GNG7: variants seen among roughly 807,000 people sequenced by gnomAD.
The protein encoded by GNG7 is G protein subunit gamma 7, also known as guanine nucleotide-binding protein G(I)/G(S)/G(O) subunit gamma-7.
In GNG7, 1 loss-of-function variant was observed where a neutral mutation model predicts 4.0. That is an observed-to-expected ratio of 0.25 (90% CI 0.09 to 1.18). The LOEUF (loss-of-function observed/expected upper bound fraction) is 1.18. GNG7 is among the 50% of genes most tolerant of loss of function. The pLI is 0.50. For missense variants in GNG7, 86 were observed against 91.9 expected (o/e 0.94, Z 0.26); for synonymous variants, 34 against 36.9 (o/e 0.92, Z 0.29).
At chr19:2,672,773 A>G (rs1021677734) in intron 1 of GNG7, among the ~76,000 whole-genome samples, 3 of 152,030 alleles carry the variant, frequency 2.0e-5, no homozygotes, top group Non-Finnish European at 4.4e-5. Context: ...AAATGCTGGC[A>G]ATAATTCAAA....
intron 1 of GNG7, among the ~76,000 whole-genome samples, chr19:2,646,825 G>A (rs949557187): frequency 6.6e-6 from 1 of 152,150 alleles, no homozygotes; most frequent in African/African-American, 2.4e-5. Flanking sequence ...ATGTTTCTAC[G>A]GCTCTTCACA....
intron 1 of GNG7, among the ~76,000 whole-genome samples, chr19:2,666,135 C>T (rs1462256758): frequency 6.6e-6 from 1 of 151,228 alleles, no homozygotes; most frequent in Non-Finnish European, 1.5e-5. Context: ...CAAAGTGCCA[C>T]CGTGCCCGGC....
intron 4 of GNG7, among the ~76,000 whole-genome samples, chr19:2,519,376 G>A (rs1029669216): frequency 1.3e-5 from 2 of 151,304 alleles, no homozygotes; most frequent in Admixed American, 6.6e-5. Flanking sequence ...GGCTGGTCTC[G>A]AACCCCTGAC....
intron 2 of GNG7, among the ~76,000 whole-genome samples, chr19:2,576,749 G>C (rs536685467): frequency 4.3e-4 from 65 of 151,976 alleles, no homozygotes; most frequent in African/African-American, 1.5e-3. Context: ...GGGTCTCCCT[G>C]GGTTGCCCAG....
In GNG7 at chr19:2,702,661, G is replaced by C. The variant is rs1913437645; in HGVS notation, c.-150C>G. On this transcript the variant is annotated 5_prime_UTR_variant, in exon 1 of 5. Coordinates refer to ENST00000382159, the MANE Select transcript of GNG7 (RefSeq NM_052847.3). ...GCGCCCTTACCTGCGCTCGGGCCCC[G>C]CGGCCGCCTCAGCCCCGCCGCGCAG... 6.6e-6 allele frequency: 1 copy of C among 151,168 alleles called. No individual in the cohort carries two copies. The highest frequency in any genetic ancestry group is 2.1e-4 in the South Asian group (1 of 4,840). 9.4% of individuals were successfully genotyped at this position (151,168 alleles called of 1,614,324 possible). A position where few individuals can be genotyped will look rare whatever the true frequency, so the allele number is the denominator to read the frequency against.
chr19:2,530,596 T>C lies in GNG7; in HGVS notation c.-37-9871A>G, dbSNP rs563155308. The stretch of plus-strand genomic sequence containing the variant: ...TTAGCTGGACGTGGTGGCGGGTGCC[T>C]GTAGTCCCAGCTACTCAGGAGGCTG... On this transcript the variant is annotated intron_variant, in intron 3 of 4. Transcript: ENST00000382159. Among the ~76,000 whole-genome samples the C allele has an allele frequency of 4.6e-4, 69 of 150,870 alleles. 1 individual carries two copies. In the South Asian group the frequency reaches 4.8e-3, roughly 11 times the overall value.
Position 2,520,661 on chromosome 19 carries a change from C to A in GNG7, c.28G>T (p.Ala10Ser). The change falls in exon 4 of 5, where the codon GCC becomes TCC. Residue 10 changes from alanine (A) to serine (S), a missense_variant. By Grantham distance (99) the Ala-to-Ser change is moderately conservative. Transcript: ENST00000382159. ...CGTAGCTGTTCCACCAGCTTCCGGG[C>A]CTGGGCTATGTTGTTAGTGGCTGAC... MSATNNIAQ[A>S]RKLVEQLRIE... The A allele has an allele frequency of 1.9e-6, 3 of 1,551,798 alleles. No homozygotes were observed. Among genetic ancestry groups the A allele is most frequent in the East Asian group, 2.4e-5 (1 of 41,758 alleles).
rs549675045 is a variant in GNG7, at chr19:2,618,628, C to A, written c.-78+27596G>T. Among the ~76,000 whole-genome samples the A allele has an allele frequency of 1.9e-4, 29 of 151,960 alleles. 1 individual carries two copies. Among genetic ancestry groups the A allele is most frequent in the Admixed American group, 4.6e-4 (7 of 15,250 alleles). On this transcript the variant is annotated intron_variant, in intron 2 of 4. Coordinates refer to ENST00000382159, the MANE Select transcript of GNG7 (RefSeq NM_052847.3). The surrounding 1 kb of genome is among the most constrained non-coding windows in gnomAD (Gnocchi z 5.1). ...CCTCCCAAAGTGCTGGGATTACAGA[C>A]GTGAGCCACCGTGCCCAGCCTGTTC...
chr19:2,700,279 T>C (rs1252845013), intron 1 of GNG7, among the ~76,000 whole-genome samples: 1 of 152,046 alleles, frequency 6.6e-6, no homozygotes, highest in Admixed American at 6.6e-5. Context: ...GTAGCTGGGA[T>C]TACAGGCAAA....
At position 2,609,889 on chromosome 19, in the gene GNG7, G is replaced by A. The variant is rs553307553; in HGVS notation, c.-78+36335C>T. Among the ~76,000 whole-genome samples, 1 of 152,226 alleles carries A rather than the reference G, an allele frequency of 6.6e-6. No homozygotes were observed. Among genetic ancestry groups the A allele is most frequent in the South Asian group, 2.1e-4 (1 of 4,818 alleles). Reference sequence around the variant, plus strand: ...TGCACTTCTGGAGCTCCCTGACCACGAGTGAGGAAATTGAACGGTACAGGA... The same window carrying A: ...TGCACTTCTGGAGCTCCCTGACCACAAGTGAGGAAATTGAACGGTACAGGA... On this transcript the variant is annotated intron_variant, in intron 2 of 4. Transcript: ENST00000382159. This position sits in a 1 kb window ranked among gnomAD's most constrained non-coding sequence, Gnocchi z 4.4.
chr19:2,661,270 AAAAG>A (rs796432059), intron 1 of GNG7, among the ~76,000 whole-genome samples: 3,532 of 70,526 alleles, frequency 0.05, 319 homozygotes, highest in South Asian at 0.064. Flanking sequence ...AGAAAGAAAG[AAAAG>A]AAAGAAAGAA....
chr19:2,548,848 C>G (rs1979220617), intron 3 of GNG7, among the ~76,000 whole-genome samples: 1 of 151,292 alleles, frequency 6.6e-6, no homozygotes, highest in Non-Finnish European at 1.5e-5. Flanking sequence ...CAAGAATAAT[C>G]TGACCCTAAT....
intron 2 of GNG7, among the ~76,000 whole-genome samples, chr19:2,567,510 T>C (rs377292619): frequency 1.3e-5 from 2 of 152,082 alleles, no homozygotes; most frequent in Admixed American, 6.6e-5. Flanking sequence ...TTTTTTTGTA[T>C]AGATGGGGTT....
intron 1 of GNG7, among the ~76,000 whole-genome samples, chr19:2,675,463 G>T (rs545118203): frequency 1.2e-4 from 18 of 152,236 alleles, no homozygotes; most frequent in African/African-American, 4.1e-4. Flanking sequence ...AGGAGAGGTC[G>T]CTTGACGGTA....
intron 2 of GNG7, among the ~76,000 whole-genome samples, chr19:2,631,355 C>T (rs925936668): frequency 2.0e-5 from 3 of 152,192 alleles, no homozygotes; most frequent in African/African-American, 7.2e-5. Flanking sequence ...TGTCCAGTGA[C>T]GATCATTCTT....
rs1457996183 is a variant in GNG7, at chr19:2,633,489, A to ACG, written c.-78+12734_-78+12735insCG. Among the ~76,000 whole-genome samples, 1 of 65,110 alleles carries ACG rather than the reference A, an allele frequency of 1.5e-5. No individual in the cohort carries two copies. The highest frequency in any genetic ancestry group is 5.7e-5 in the African/African-American group (1 of 17,576). The allele number at this position is 65,110 out of a possible 152,430, so 42.7% of individuals were successfully genotyped here. On this transcript the variant is annotated intron_variant, in intron 2 of 4. Transcript: ENST00000382159. This position sits in a 1 kb window ranked among gnomAD's most constrained non-coding sequence, Gnocchi z 5.9. ...GCAACAGGCGCGCGCGCGCGCGCGCACACACACACACACACACACACACAC... is the reference window on the plus strand; with the variant it reads ...GCAACAGGCGCGCGCGCGCGCGCGCACGCACACACACACACACACACACACAC...
At chr19:2,655,268 G>A (rs2144871072) in intron 1 of GNG7, among the ~76,000 whole-genome samples, 1 of 151,096 alleles carries the variant, frequency 6.6e-6, no homozygotes, top group Middle Eastern at 3.4e-3. Flanking sequence ...TAAATAATCT[G>A]ACTAGATACC....
intron 2 of GNG7, among the ~76,000 whole-genome samples, chr19:2,575,169 G>C (rs1339386248): frequency 2.7e-5 from 4 of 149,396 alleles, no homozygotes; most frequent in Admixed American, 1.3e-4. Flanking sequence ...ACTGCAGCCT[G>C]GACCTCCTGG....
intron 1 of GNG7, among the ~76,000 whole-genome samples, chr19:2,668,220 C>CAAAAA (rs11386382): frequency 2.9e-5 from 4 of 140,186 alleles, no homozygotes; most frequent in African/African-American, 1.0e-4. Context: ...AAAAGTTTAT[C>CAAAAA]AAAAAAAAAA....
Sources: allele counts gnomAD v4.1 joint callset (sites outside exome capture counted in the v4.1 genomes callset), GRCh38; gene constraint gnomAD v4.1.1; non-coding constraint Gnocchi (gnomAD v3.1); transcripts MANE v1.5; gene names NCBI Gene and HGNC (gene_info 2026-07-23, HGNC 2026-07-21).